Variants in ARR3 observed in about 807,000 individuals in gnomAD.
ARR3 encodes the protein arrestin-C.
Under a neutral mutation model 35.4 loss-of-function variants are expected in ARR3, and 14 were observed. The observed-to-expected ratio is 0.40, with a 90% CI of 0.26 to 0.62. The LOEUF (loss-of-function observed/expected upper bound fraction) is 0.62, where lower values mean the gene tolerates loss of function less well. Among genes scored for constraint, ARR3 ranks in the 20% least tolerant of loss-of-function variants. ARR3 has a pLI of 0.46. For synonymous variants in ARR3, 97 were observed against 119.1 expected, an observed-to-expected ratio of 0.81 and a Z score of 1.21; for missense variants, 259 against 303.8, an observed-to-expected ratio of 0.85 and a Z score of 1.10.
intron 2 of ARR3, 52 bp downstream of exon 2, chrX:70,269,445 C>G: frequency 9.1e-7 from 1 of 1,099,280 alleles, no homozygotes; most frequent in Non-Finnish European, 1.3e-6. Context: ...CTACCCCAAT[C>G]CAAGTATTTC....
intron 10 of ARR3, 91 bp from the exon 11 acceptor site, chrX:70,277,975 C>A: frequency 2.2e-6 from 2 of 928,556 alleles, no homozygotes; most frequent in Non-Finnish European, 3.1e-6. Context: ...GTATAGTGTG[C>A]CTATGTATAA....
In ARR3 at chrX:70,277,727, C is replaced by T. The variant is rs150523832; in HGVS notation, c.621C>T (p.His207=). The T allele has an allele frequency of 4.5e-4, 549 of 1,207,921 alleles. 2 individuals carry two copies. In the African/African-American group the frequency reaches 8.1e-3, roughly 18 times the overall value. The change falls in exon 10 of 17, where the codon CAC becomes CAT. Residue 207 remains histidine, a synonymous_variant. Coordinates refer to ENST00000307959, the MANE Select transcript of ARR3 (RefSeq NM_004312.3). ...QAWMDREVHY[H]GEPISVNVSI... is the part of the protein sequence containing the mutation. ...CGCTCCTGCTTTAGGTTCACTACCA[C>T]GGAGAACCCATCTCTGTCAATGTTT...
chrX:70,276,824 T>A, intron 8 of ARR3, 88 bp downstream of exon 8: 1 of 857,030 alleles, frequency 1.2e-6, no homozygotes, highest in Non-Finnish European at 1.7e-6. Flanking sequence ...GCCCCACTTC[T>A]AACCTCCACA....
intron 1 of ARR3, 41 bp from the exon 2 acceptor site, chrX:70,269,315 G>T: frequency 8.5e-7 from 1 of 1,182,214 alleles, no homozygotes; most frequent in Non-Finnish European, 1.1e-6. Context: ...GAGAAGAATA[G>T]AAATGAAATG....
At position 70,280,788 on chromosome X, in the gene ARR3, T is replaced by C; in HGVS notation, c.1036T>C (p.Leu346=). Residue 346 remains leucine, a synonymous_variant, in exon 15 of 17, where the codon TTG becomes CTG. Transcript: ENST00000307959. ...TASDVGVELP[L]VLIHPKPSHE... ...CAGCGATGTTGGTGTGGAGCTACCC[T>C]TGGTCCTGATCCATCCGAAGCCATC... 1 of 1,211,496 alleles carries C rather than the reference T, an allele frequency of 8.3e-7. No individual in the cohort carries two copies. The highest frequency in any genetic ancestry group is 1.7e-5 in the African/African-American group (1 of 57,662).
chrX:70,277,252 A>C, intron 8 of ARR3, 142 bp from the exon 9 acceptor site: 1 of 828,310 alleles, frequency 1.2e-6, no homozygotes, highest in Non-Finnish European at 1.7e-6. Flanking sequence ...ACATGCTTAC[A>C]TTAAGGGACT....
chrX:70,272,637 A>T (rs2085634259), intron 5 of ARR3, among the ~76,000 whole-genome samples: 1 of 111,955 alleles, frequency 8.9e-6, no homozygotes. Flanking sequence ...AGGCATTCAC[A>T]CATTTTTAAA....
chrX:70,281,754 T>C lies in ARR3; in HGVS notation c.1155T>C (p.Asp385=), dbSNP rs1445270666. 1 of 1,174,633 alleles carries C rather than the reference T, an allele frequency of 8.5e-7. No individual in the cohort carries two copies. The highest frequency in any genetic ancestry group is 1.1e-6 in the Non-Finnish European group (1 of 876,134). Residue 385 remains aspartate, a synonymous_variant, in exon 17 of 17, where the codon GAT becomes GAC. Transcript: ENST00000307959. ...ESQKAVEAEG[D]EGS is the part of the protein sequence containing the mutation. The stretch of plus-strand genomic sequence containing the variant: ...AGAAGGCTGTGGAGGCTGAGGGAGA[T>C]GAGGGGAGCTGAGCACCTCGCTCTG...
intron 9 of ARR3, 58 bp from the exon 10 acceptor site, chrX:70,277,658 G>A: frequency 8.5e-7 from 1 of 1,176,856 alleles, no homozygotes; most frequent in Non-Finnish European, 1.2e-6. Flanking sequence ...AGGGGTTCTA[G>A]GTCTCCATCT....
Position 70,281,681 on chromosome X carries a change from A to C in ARR3, c.1082A>C (p.Glu361Ala). The change falls in exon 17 of 17, where the codon GAG becomes GCG. Residue 361 changes from glutamate to alanine, a missense_variant. Glu to Ala is a moderately radical substitution (Grantham distance 107, BLOSUM62 -1). Transcript: ENST00000307959. ...PKPSHEAASSEDIVIEEFTRK... is the reference protein window; with the variant it reads ...PKPSHEAASSADIVIEEFTRK... ...TCTTCTGCTGCTTCTGCAAGCTCTG[A>C]GGACATAGTCATCGAGGAGTTTACG... 1 of 1,183,159 alleles carries C rather than the reference A, an allele frequency of 8.5e-7. No homozygotes were observed. The highest frequency in any genetic ancestry group is 1.1e-6 in the Non-Finnish European group (1 of 880,452).
rs761534261 is a variant in ARR3, at chrX:70,277,485, C to T, written c.565C>T (p.Leu189=). ...AGCCCAGACCATCCGCCGCTTCCTT[C>T]TGTCAGCTCAGCCCCTACAACTCCA... The part of the protein sequence containing the change: ...PSAQTIRRFL[L]SAQPLQLQAW... The change falls in exon 9 of 17, where the codon CTG becomes TTG. Residue 189 remains leucine (L), a synonymous_variant. Transcript: ENST00000307959. 2.5e-6 allele frequency: 3 copies of T among 1,211,728 alleles called. No individual in the cohort carries two copies. Among genetic ancestry groups the T allele is most frequent in the Non-Finnish European group, 3.4e-6 (3 of 895,378 alleles).
intron 4 of ARR3, 36 bp downstream of exon 4, chrX:70,269,939 A>G: frequency 8.3e-7 from 1 of 1,197,680 alleles, no homozygotes; most frequent in Non-Finnish European, 1.1e-6. Flanking sequence ...CTGGGGAAAG[A>G]GGAATGGAAA....
intron 7 of ARR3, 30 bp from the exon 8 acceptor site, chrX:70,276,639 T>C (rs545818819): frequency 2.5e-6 from 3 of 1,203,686 alleles, no homozygotes; most frequent in South Asian, 3.5e-5. Flanking sequence ...GCACTGGAAA[T>C]GAGCTCTCTT....
At chrX:70,269,728 G>C (rs2085622388) in intron 3 of ARR3, 36 bp downstream of exon 3, 1 of 1,199,108 alleles carries the variant, frequency 8.3e-7, no homozygotes, top group Non-Finnish European at 1.1e-6. Context: ...AAATGAGAGG[G>C]CAAAAGGGAT....
At chrX:70,281,545 G>T (rs764410428) in intron 16 of ARR3, 131 bp from the exon 17 acceptor site, 17 of 540,339 alleles carry the variant, frequency 3.1e-5, no homozygotes, top group Admixed American at 1.4e-4. Flanking sequence ...GGGACACCAA[G>T]AGGGGGCCGA....
intron 12 of ARR3, 116 bp from the exon 13 acceptor site, chrX:70,280,079 G>A: frequency 1.5e-6 from 1 of 653,531 alleles, no homozygotes. Context: ...GAGATATTCT[G>A]GGATAAGACT....
At chrX:70,280,496 G>C in intron 13 of ARR3, 63 bp from the exon 14 acceptor site, 1 of 1,128,734 alleles carries the variant, frequency 8.9e-7, no homozygotes, top group South Asian at 2.1e-5. Flanking sequence ...TCATCCCCTT[G>C]TGAAACTAGG....
At chrX:70,273,214 CTTTTTTTTTTTTT>C (rs59650423) in intron 5 of ARR3, among the ~76,000 whole-genome samples, 1 of 41,626 alleles carries the variant, frequency 2.4e-5, no homozygotes, top group African/African-American at 1.0e-4. Flanking sequence ...GAAAGGATTC[CTTTTTTTTTTTTT>C]TTTTTTTTTT....
intron 5 of ARR3, among the ~76,000 whole-genome samples, chrX:70,272,580 T>C (rs1455814475): frequency 3.6e-5 from 4 of 112,287 alleles, no homozygotes; most frequent in Non-Finnish European, 7.5e-5. Flanking sequence ...TTCATACTTG[T>C]TCAATTATTT....
Sources: allele counts gnomAD v4.1 joint callset (sites outside exome capture counted in the v4.1 genomes callset), GRCh38; gene constraint gnomAD v4.1.1; transcripts MANE v1.5; gene names NCBI Gene and HGNC (gene_info 2026-07-23, HGNC 2026-07-21).